The following TBC1D8 variants were observed in gnomAD, a reference collection of about 807,000 sequenced individuals.
TBC1D8 encodes TBC1 domain family member 8, also known as BUB2-like protein 1.
In TBC1D8, 65 loss-of-function variants were observed where a neutral mutation model predicts 118.8. That is an observed-to-expected ratio of 0.55 (90% CI 0.45 to 0.67). TBC1D8 has a LOEUF of 0.67. TBC1D8 is among the 30% of genes least tolerant of loss of function. The pLI, the probability that TBC1D8 is intolerant of heterozygous loss-of-function variation, is 0.00. For missense variants in TBC1D8, 1,376 were observed against 1,471.2 expected (o/e 0.94, Z 1.06); for synonymous variants, 566 against 595.8 (o/e 0.95, Z 0.73).
intron 2 of TBC1D8, among the ~76,000 whole-genome samples, chr2:101,085,318 A>C (rs1002013788): frequency 1.3e-5 from 2 of 152,160 alleles, no homozygotes; most frequent in Non-Finnish European, 2.9e-5. Flanking sequence ...TACAAAGGGC[A>C]TGGATTCAGG....
intron 17 of TBC1D8, among the ~76,000 whole-genome samples, chr2:101,014,212 A>G (rs1679446134): frequency 6.6e-6 from 1 of 151,996 alleles, no homozygotes; most frequent in Non-Finnish European, 1.5e-5. Context: ...TTTTTTTTCA[A>G]GGAAGTTTAT....
At position 101,054,354 on chromosome 2, in the gene TBC1D8, C is replaced by T. The variant is rs1682256526; in HGVS notation, c.403-18G>A. On this transcript the variant is annotated intron_variant, in intron 3 of 19. Transcript: ENST00000409318. ...ATCAGAGCCTGACACACAGAGATGA[C>T]AGTCCCTGCTCAGTGAGCCAGCAAT... 3 of 1,552,756 alleles carry T rather than the reference C, an allele frequency of 1.9e-6. No homozygotes were observed. Among genetic ancestry groups the T allele is most frequent in the Non-Finnish European group, 2.6e-6 (3 of 1,147,626 alleles).
intron 8 of TBC1D8, 107 bp from the exon 9 acceptor site, chr2:101,036,275 G>C (rs1681003603): frequency 7.7e-7 from 1 of 1,304,962 alleles, no homozygotes; most frequent in Non-Finnish European, 1.1e-6. Context: ...CTCTCCGAGG[G>C]GCCAACAGCA....
intron 11 of TBC1D8, among the ~76,000 whole-genome samples, chr2:101,031,670 T>C (rs776345833): frequency 5.3e-5 from 8 of 152,188 alleles, no homozygotes; most frequent in Non-Finnish European, 1.0e-4. Flanking sequence ...TGCAGGAGCG[T>C]TGCAAGGCCA....
intron 2 of TBC1D8, among the ~76,000 whole-genome samples, chr2:101,075,718 CTG>C (rs1674769929): frequency 6.6e-6 from 1 of 152,192 alleles, no homozygotes; most frequent in Non-Finnish European, 1.5e-5. Context: ...CCATGCTGAG[CTG>C]TGAGTCAATT....
At chr2:101,132,114 A>G (rs1678621703) in intron 1 of TBC1D8, among the ~76,000 whole-genome samples, 1 of 152,166 alleles carries the variant, frequency 6.6e-6, no homozygotes, top group Non-Finnish European at 1.5e-5. Flanking sequence ...GACAGAGAAC[A>G]CTCATCCCCT....
At position 101,080,270 on chromosome 2, in the gene TBC1D8, C is replaced by T. The variant is rs1193186354; in HGVS notation, c.283+9939G>A. Among the ~76,000 whole-genome samples, 4 of 152,170 alleles carry T rather than the reference C, an allele frequency of 2.6e-5. No individual in the cohort carries two copies. In the South Asian group the frequency reaches 8.3e-4, roughly 32 times the overall value. On this transcript the variant is annotated intron_variant, in intron 2 of 19. Transcript: ENST00000409318. ...AGTGTAACAACTCGCATCGCCTGAC[C>T]TCAGCGTGGGGACCCAGAGAAAAGC... is the stretch of plus-strand genomic sequence containing the variant.
intron 1 of TBC1D8, among the ~76,000 whole-genome samples, chr2:101,110,535 C>T (rs2105478689): frequency 6.6e-6 from 1 of 152,250 alleles, no homozygotes; most frequent in South Asian, 2.1e-4. Flanking sequence ...TCTCACTATA[C>T]ACAAGCCGTT....
intron 1 of TBC1D8, among the ~76,000 whole-genome samples, chr2:101,095,659 A>C (rs1676371540): frequency 6.6e-6 from 1 of 151,996 alleles, no homozygotes; most frequent in South Asian, 2.1e-4. Context: ...TCATTGTTGG[A>C]CATTGGGGTT....
chr2:101,009,452 A>ATATTTAT (rs1051127938), intron 19 of TBC1D8, among the ~76,000 whole-genome samples: 15 of 151,966 alleles, frequency 9.9e-5, no homozygotes, highest in African/African-American at 3.6e-4. Context: ...AATATAACAA[A>ATATTTAT]TATTTATTTG....
At position 101,087,379 on chromosome 2, in the gene TBC1D8, G is replaced by C. The variant is rs529146106; in HGVS notation, c.283+2830C>G. On this transcript the variant is annotated intron_variant, in intron 2 of 19. Transcript: ENST00000409318. ...GGGCCGGATGCAGTGGCTCACACCT[G>C]TAATCCCAGCACTCTGGGAGGCCAA... Among the ~76,000 whole-genome samples, 22 of 151,816 alleles carry C rather than the reference G, an allele frequency of 1.4e-4. No individual in the cohort carries two copies. In the East Asian group the frequency reaches 4.1e-3, roughly 28 times the overall value.
intron 9 of TBC1D8, among the ~76,000 whole-genome samples, chr2:101,034,122 C>T (rs1345721900): frequency 6.6e-6 from 1 of 152,118 alleles, no homozygotes; most frequent in African/African-American, 2.4e-5. Context: ...TGAGATCACA[C>T]CACTGCACTC....
rs1389913672 is a variant in TBC1D8, at chr2:101,038,484, C to T, written c.1252G>A (p.Asp418Asn). 3.1e-6 allele frequency: 5 copies of T among 1,613,790 alleles called. No individual in the cohort carries two copies. In the South Asian group the frequency reaches 3.3e-5, roughly 11 times the overall value. ...QVHANHPVHYDTSADDDMASL... is the reference protein window; with the variant it reads ...QVHANHPVHYNTSADDDMASL... ...ACCATGTCATCATCCGCAGAGGTGT[C>T]GTAGTGCACGGGGTGGTTGGCGTGG... is the stretch of plus-strand genomic sequence containing the variant. Residue 418 changes from aspartate to asparagine, a missense_variant, in exon 7 of 20, where the codon GAC (aspartate) becomes AAC (asparagine). Asp to Asn is a conservative substitution (Grantham distance 23). Coordinates refer to ENST00000409318, the MANE Select transcript of TBC1D8 (RefSeq NM_001330348.2).
At chr2:101,088,242 T>G (rs1046837593) in intron 2 of TBC1D8, among the ~76,000 whole-genome samples, 2 of 152,138 alleles carry the variant, frequency 1.3e-5, no homozygotes, top group African/African-American at 4.8e-5. Flanking sequence ...GATAGATACC[T>G]TCTTTGTATT....
At chr2:101,141,853 A>AG (rs1205342685) in intron 1 of TBC1D8, among the ~76,000 whole-genome samples, 3 of 151,942 alleles carry the variant, frequency 2.0e-5, no homozygotes, top group Non-Finnish European at 4.4e-5. Flanking sequence ...AAAAACTAAA[A>AG]AAAAGGTAAG....
intron 1 of TBC1D8, 57 bp downstream of exon 1, chr2:101,151,070 C>T: frequency 2.1e-6 from 2 of 971,728 alleles, no homozygotes; most frequent in African/African-American, 1.8e-5. Flanking sequence ...GCCGCGGGCC[C>T]GGCGGGGTGC....
chr2:101,146,390 C>T (rs1679317868), intron 1 of TBC1D8, among the ~76,000 whole-genome samples: 1 of 152,148 alleles, frequency 6.6e-6, no homozygotes. Flanking sequence ...GGAACAGGGA[C>T]TTAAGGTAAC....
intron 1 of TBC1D8, among the ~76,000 whole-genome samples, chr2:101,108,838 G>A (rs1402651713): frequency 1.3e-5 from 2 of 151,810 alleles, no homozygotes; most frequent in Non-Finnish European, 2.9e-5. Context: ...ACATTCACAG[G>A]ATGGAGCCTT....
At chr2:101,027,308 C>A in intron 15 of TBC1D8, 75 bp downstream of exon 15, 3 of 1,384,700 alleles carry the variant, frequency 2.2e-6, no homozygotes, top group Non-Finnish European at 3.1e-6. Flanking sequence ...TGCATGCTGT[C>A]CCCTGGGCAG....
Sources: allele counts gnomAD v4.1 joint callset (sites outside exome capture counted in the v4.1 genomes callset), GRCh38; gene constraint gnomAD v4.1.1; transcripts MANE v1.5; gene names NCBI Gene and HGNC (gene_info 2026-07-23, HGNC 2026-07-21).